SIGLEC11: variants seen among roughly 807,000 people sequenced by gnomAD.
SIGLEC11 encodes sialic acid-binding Ig-like lectin 11.
Under a neutral mutation model 61.2 loss-of-function variants are expected in SIGLEC11, and 47 were observed. That is an observed-to-expected ratio of 0.77 (90% CI 0.61 to 0.98). SIGLEC11 has a LOEUF of 0.98. SIGLEC11 is among the 50% of genes least tolerant of loss of function. The pLI is 0.00. For missense variants in SIGLEC11, 610 were observed against 870.3 expected (o/e 0.70, Z 3.76); for synonymous variants, 278 against 373.1 (o/e 0.75, Z 2.94).
chr19:49,953,740 C>G (rs1471628100), intron 8 of SIGLEC11, among the ~76,000 whole-genome samples: 1 of 152,028 alleles, frequency 6.6e-6, no homozygotes, highest in East Asian at 1.9e-4. Flanking sequence ...CAAGTAGCTT[C>G]TGAAAACTCC....
chr19:49,957,309 G>C (rs567924724), intron 8 of SIGLEC11, among the ~76,000 whole-genome samples: 4 of 151,998 alleles, frequency 2.6e-5, no homozygotes, highest in African/African-American at 9.6e-5. Context: ...AACATCAAAA[G>C]GGGGAAACTG....
rs765853582 is a variant in SIGLEC11, at chr19:49,950,099, C to A, written c.1968G>T (p.Glu656Asp). Residue 656 changes from glutamate to aspartate, a missense_variant, in exon 11 of 11, where the codon GAG becomes GAT. Glu to Asp is a conservative substitution (Grantham distance 45). Transcript: ENST00000447370. ...TGCTGGGGGCCTCCTGGTCCGCAGG[C>A]TCCCAGAGCCTCAGGCCCTGGAAGC... ...SLSFQGLRLW[E>D]PADQEAPSTT... 6.8e-6 allele frequency: 11 copies of A among 1,611,912 alleles called. No homozygotes were observed. The South Asian group carries it at 9.9e-5, about 15-fold the overall frequency.
Position 49,955,338 on chromosome 19 carries a change from C to T in SIGLEC11, c.1652-2944G>A, listed in dbSNP as rs1414030176. On this transcript the variant is annotated intron_variant, in intron 8 of 10. Coordinates refer to ENST00000447370, the MANE Select transcript of SIGLEC11 (RefSeq NM_052884.3). The surrounding 1 kb of genome is among the most constrained non-coding windows in gnomAD (Gnocchi z 4.5). ...CCAAAAAAAAAAAAAAAAAGAAAGG[C>T]ATAATTCTTACAACTTGCGGCAGGC... Among the ~76,000 whole-genome samples the T allele has an allele frequency of 1.4e-5, 2 of 147,664 alleles. No individual in the cohort carries two copies. The highest frequency in any genetic ancestry group is 3.0e-5 in the Non-Finnish European group (2 of 66,914).
chr19:49,954,303 T>G (rs1467584631), intron 8 of SIGLEC11, among the ~76,000 whole-genome samples: 1 of 152,158 alleles, frequency 6.6e-6, no homozygotes, highest in Non-Finnish European at 1.5e-5. Flanking sequence ...CCCCCTTTAC[T>G]GAGGCCAACA....
At chr19:49,952,625 T>C (rs578209137) in intron 8 of SIGLEC11, among the ~76,000 whole-genome samples, 1 of 152,292 alleles carries the variant, frequency 6.6e-6, no homozygotes, top group East Asian at 1.9e-4. Flanking sequence ...TATAAGATAA[T>C]ACTGTTTAAA....
chr19:49,949,942 C>G lies in SIGLEC11; in HGVS notation c.*28G>C, dbSNP rs1258493892. 2 of 1,406,086 alleles carry G rather than the reference C, an allele frequency of 1.4e-6. No homozygotes were observed. The highest frequency in any genetic ancestry group is 2.9e-5 in the African/African-American group (2 of 68,984). The allele number at this position is 1,406,086 out of a possible 1,614,324, so 87.1% of individuals were successfully genotyped here. A position where few individuals can be genotyped will look rare whatever the true frequency, so the allele number is the denominator to read the frequency against. ...CACCAGTGCGACTCCCACACACTTG[C>G]TGGTGTCCTGTTGCCATGGAGACCT... On this transcript the variant is annotated 3_prime_UTR_variant, in exon 11 of 11. Coordinates refer to ENST00000447370, the MANE Select transcript of SIGLEC11 (RefSeq NM_052884.3).
rs1184802881 is a variant in SIGLEC11 at position 49,955,190 on chromosome 19, G to A, written c.1652-2796C>T. The stretch of plus-strand genomic sequence containing the variant: ...ATGAACCATGACCAGAGAACAAAAC[G>A]GGAAAGAGCGAAAGCAACAAGCGAG... On this transcript the variant is annotated intron_variant, in intron 8 of 10. Transcript: ENST00000447370. This position sits in a 1 kb window ranked among gnomAD's most constrained non-coding sequence, Gnocchi z 4.5. Among the ~76,000 whole-genome samples the A allele has an allele frequency of 2.6e-5, 4 of 151,740 alleles. No individual in the cohort carries two copies. The highest frequency in any genetic ancestry group is 2.1e-4 in the South Asian group (1 of 4,780).
chr19:49,959,381 C>T lies in SIGLEC11; in HGVS notation c.1036G>A (p.Ala346Thr), dbSNP rs572827488. 183 of 1,599,102 alleles carry T rather than the reference C, an allele frequency of 1.1e-4. 18 individuals carry two copies. In the South Asian group the frequency reaches 2.0e-3, roughly 17 times the overall value. ...TCACACTGCACAGAGAGGTCCAGGG[C>T]TTGCTGCTGGGAGCCAAGCCTGTTC... ...AENRLGSQQQ[A>T]LDLSVQYPPE... is the part of the protein sequence containing the mutation. The change falls in exon 5 of 11, where the codon GCC (alanine) becomes ACC (threonine). Residue 346 changes from alanine to threonine, a missense_variant. Physicochemically the swap from Ala to Thr is moderately conservative, Grantham distance 58. Coordinates refer to ENST00000447370, the MANE Select transcript of SIGLEC11 (RefSeq NM_052884.3).
chr19:49,950,193 G>A lies in SIGLEC11; in HGVS notation c.1874C>T (p.Pro625Leu), dbSNP rs747540701. Residue 625 changes from proline (P) to leucine (L), a missense_variant, in exon 11 of 11, where the codon CCG becomes CTG. Around this residue, in one of 6 missense-constraint regions of SIGLEC11, gnomAD observed 432 missense variants for 441.5 expected, o/e 0.98. Coordinates refer to ENST00000447370, the MANE Select transcript of SIGLEC11 (RefSeq NM_052884.3). ...GGTGTAGGTGGCTGCACCTGGGGGC[G>A]GGTGGTCTTGGGAGCTGCCTGCCGA... is the stretch of plus-strand genomic sequence containing the variant. ...ECSAGSSQDH[P>L]PPGAATYTPG... 42 of 1,602,702 alleles carry A rather than the reference G, an allele frequency of 2.6e-5. No homozygotes were observed. The highest frequency in any genetic ancestry group is 2.6e-5 in the Non-Finnish European group (30 of 1,176,440).
rs2076193397 is a variant in SIGLEC11 at position 49,955,998 on chromosome 19, G to A, written c.1651+2285C>T. Among the ~76,000 whole-genome samples the A allele has an allele frequency of 6.6e-6, 1 of 151,356 alleles. No individual in the cohort carries two copies. Among genetic ancestry groups the A allele is most frequent in the Non-Finnish European group, 1.5e-5 (1 of 67,946 alleles). Reference sequence around the variant, plus strand: ...CGCAGTGGCTCACACCTGTAATCCTGTTACCAGAGCCCACTCCTTTAGCAG... The same window carrying A: ...CGCAGTGGCTCACACCTGTAATCCTATTACCAGAGCCCACTCCTTTAGCAG... On this transcript the variant is annotated intron_variant, in intron 8 of 10. Coordinates refer to ENST00000447370, the MANE Select transcript of SIGLEC11 (RefSeq NM_052884.3). The surrounding 1 kb of genome is among the most constrained non-coding windows in gnomAD (Gnocchi z 4.5).
intron 5 of SIGLEC11, 91 bp downstream of exon 5, chr19:49,959,269 T>A: frequency 6.4e-7 from 1 of 1,565,276 alleles, no homozygotes; most frequent in South Asian, 1.2e-5. Context: ...GGCCTGGGGT[T>A]CAAGACCCCC....
chr19:49,952,745 C>T (rs2076166993), intron 8 of SIGLEC11, among the ~76,000 whole-genome samples: 1 of 152,184 alleles, frequency 6.6e-6, no homozygotes, highest in South Asian at 2.1e-4. Flanking sequence ...TCCCTGGCTT[C>T]TTAAGCATAA....
Position 49,949,654 on chromosome 19 carries a change from A to G in SIGLEC11, c.*316T>C, listed in dbSNP as rs2076145036. On this transcript the variant is annotated 3_prime_UTR_variant, in exon 11 of 11. Transcript: ENST00000447370. Reference sequence around the variant, plus strand: ...CCCAGGAGTCTGAGACCAGCCAGGGAAACATGGCAAAACCCTGTCTCTACT... The same window carrying G: ...CCCAGGAGTCTGAGACCAGCCAGGGGAACATGGCAAAACCCTGTCTCTACT... The G allele has an allele frequency of 5.6e-6, 1 of 179,910 alleles. No homozygotes were observed. The highest frequency in any genetic ancestry group is 6.2e-5 in the Admixed American group (1 of 16,044). 11.1% of individuals were successfully genotyped at this position (179,910 alleles called of 1,614,324 possible).
At chr19:49,950,606 G>A (rs531897437) in intron 10 of SIGLEC11, among the ~76,000 whole-genome samples, 2 of 152,222 alleles carry the variant, frequency 1.3e-5, no homozygotes, top group East Asian at 1.9e-4. Context: ...CAGGATTCAC[G>A]TCCAGGTTTC....
rs982150104 is a variant in SIGLEC11 at position 49,949,019 on chromosome 19, C to T, written c.*951G>A. The T allele has an allele frequency of 2.0e-5, 3 of 152,062 alleles. No homozygotes were observed. Among genetic ancestry groups the T allele is most frequent in the African/African-American group, 7.3e-5 (3 of 41,348 alleles). 9.4% of individuals were successfully genotyped at this position (152,062 alleles called of 1,614,324 possible). On this transcript the variant is annotated 3_prime_UTR_variant, in exon 11 of 11. Transcript: ENST00000447370. ...TCATTTATTTATTTAGAAACAGAGT[C>T]TCACTCTGTTGCCCAGGCTGGAGTG...
chr19:49,957,939 C>T (rs908030046), intron 8 of SIGLEC11, among the ~76,000 whole-genome samples: 11 of 151,914 alleles, frequency 7.2e-5, no homozygotes, highest in African/African-American at 2.4e-4. Context: ...TGCAGTGAGC[C>T]GAGATCGAGC....
At position 49,958,575 on chromosome 19, in the gene SIGLEC11, G is replaced by GGGGAGGGAGGACAGGACTC. The variant is rs1175591900; in HGVS notation, c.1364-24_1364-6dup. On this transcript the variant is annotated splice_polypyrimidine_tract_variant and splice_region_variant and intron_variant, in intron 7 of 10. Transcript: ENST00000447370. ...GGCCCAGCAGCTGTGGAGGGTCTGT[G>GGGGAGGGAGGACAGGACTC]GGGAGGGAGGACAGGACTCAGCAGG... 1.9e-6 allele frequency: 3 copies of GGGGAGGGAGGACAGGACTC among 1,556,976 alleles called. No homozygotes were observed. In the East Asian group the frequency reaches 6.7e-5, roughly 35 times the overall value.
At position 49,951,845 on chromosome 19, in the gene SIGLEC11, A is replaced by G; in HGVS notation, c.1830+46T>C. The G allele has an allele frequency of 6.6e-7, 1 of 1,504,074 alleles. No individual in the cohort carries two copies. The highest frequency in any genetic ancestry group is 1.3e-5 in the South Asian group (1 of 76,828). The allele number at this position is 1,504,074 out of a possible 1,614,324, so 93.2% of individuals were successfully genotyped here. A position where few individuals can be genotyped will look rare whatever the true frequency, so the allele number is the denominator to read the frequency against. ...AGAGGACTACCCATGGCCATCAAGG[A>G]AAGGGGAACAGGCAGGGCCCCAGCA... On this transcript the variant is annotated intron_variant, in intron 10 of 10. Coordinates refer to ENST00000447370, the MANE Select transcript of SIGLEC11 (RefSeq NM_052884.3). The surrounding 1 kb of genome is among the most constrained non-coding windows in gnomAD (Gnocchi z 4.6).
chr19:49,952,652 A>G lies in SIGLEC11; in HGVS notation c.1652-258T>C, dbSNP rs556917310. On this transcript the variant is annotated intron_variant, in intron 8 of 10. Transcript: ENST00000447370. The stretch of plus-strand genomic sequence containing the variant: ...CTGTTTAAAAAGCCAAGGCCAAAGG[A>G]ATAGGCTCCAGACACACCCCCTTCC... Among the ~76,000 whole-genome samples the G allele has an allele frequency of 5.3e-5, 8 of 152,364 alleles. No homozygotes were observed. In the South Asian group the frequency reaches 1.7e-3, roughly 32 times the overall value.
Sources: gnomAD v4.1 joint callset for allele counts (sites outside exome capture counted in the v4.1 genomes callset) on GRCh38, gnomAD v4.1.1 for gene constraint, gnomAD v4.1.1 regional missense constraint, Gnocchi (gnomAD v3.1) non-coding constraint, MANE v1.5 for transcripts, NCBI Gene and HGNC (gene_info 2026-07-23, HGNC 2026-07-21) for gene names.